Variants in AGBL4 observed in about 807,000 individuals in gnomAD.
AGBL4 encodes the protein AGBL carboxypeptidase 4, also known as cytosolic carboxypeptidase 6.
A neutral mutation model predicts 66.4 loss-of-function variants in AGBL4; 58 were observed. The ratio of observed to expected loss-of-function variants is 0.87; its 90% CI spans 0.71 to 1.09. The LOEUF (loss-of-function observed/expected upper bound fraction) is 1.09, where lower values mean the gene tolerates loss of function less well. AGBL4 is among the 50% of genes least tolerant of loss of function. The probability of loss-of-function intolerance (pLI) is 0.00; values close to 1 mark genes in which losing one functional copy is unlikely to be tolerated. For missense variants in AGBL4, 579 were observed against 631.0 expected (o/e 0.92, Z 0.88); for synonymous variants, 234 against 222.9 (o/e 1.05, Z -0.44).
At chr1:49,699,986 A>G (rs1244383897) in intron 2 of AGBL4, among the ~76,000 whole-genome samples, 1 of 151,896 alleles carries the variant, frequency 6.6e-6, no homozygotes, top group Non-Finnish European at 1.5e-5. Context: ...CATTATGTAT[A>G]TCAAAACATA....
chr1:48,964,124 A>C (rs1413273955), intron 5 of AGBL4, among the ~76,000 whole-genome samples: 3 of 152,204 alleles, frequency 2.0e-5, no homozygotes, highest in Non-Finnish European at 4.4e-5. Context: ...TGCTACAAGC[A>C]AAAGAGTGAC....
intron 3 of AGBL4, among the ~76,000 whole-genome samples, chr1:49,663,858 A>G (rs1367859707): frequency 1.3e-5 from 2 of 152,210 alleles, no homozygotes. Context: ...AACCAATAAA[A>G]TGGATATGAA....
chr1:49,053,705 A>AT (rs1167251011), intron 4 of AGBL4, among the ~76,000 whole-genome samples: 3 of 152,108 alleles, frequency 2.0e-5, no homozygotes, highest in Admixed American at 6.6e-5. Context: ...TCTTAAAAAA[A>AT]TTTTTTGTCT....
intron 6 of AGBL4, chr1:48,817,707 C>T (rs1183542501): frequency 7.7e-6 from 2 of 258,460 alleles, no homozygotes; most frequent in Non-Finnish European, 1.5e-5. Context: ...TTTGCTGCCC[C>T]CACCTGTCTG....
chr1:49,703,199 C>CA lies in AGBL4; in HGVS notation c.158-5763dup, dbSNP rs1056242415. 4.5e-3 allele frequency among the ~76,000 whole-genome samples: 597 copies of CA among 132,468 alleles called. 3 individuals are homozygous for CA. The highest frequency in any genetic ancestry group is 0.014 in the East Asian group (65 of 4,632). 86.9% of individuals were successfully genotyped at this position (132,468 alleles called of 152,430 possible). ...AGAAAAACCTAAGGAATCCACATACCAAAAAAAAAAAACTATTTGAGCTAA... is the reference window on the plus strand; with the variant it reads ...AGAAAAACCTAAGGAATCCACATACCAAAAAAAAAAAAACTATTTGAGCTAA... On this transcript the variant is annotated intron_variant, in intron 2 of 13. Coordinates refer to ENST00000371839, the MANE Select transcript of AGBL4 (RefSeq NM_032785.4).
intron 2 of AGBL4, among the ~76,000 whole-genome samples, chr1:49,706,227 C>T (rs1647215844): frequency 6.6e-6 from 1 of 152,112 alleles, no homozygotes; most frequent in Non-Finnish European, 1.5e-5. Flanking sequence ...AACTTCAGAA[C>T]ATTTTATTGG....
intron 4 of AGBL4, among the ~76,000 whole-genome samples, chr1:49,049,892 T>C (rs1249014523): frequency 2.0e-5 from 3 of 152,092 alleles, no homozygotes; most frequent in Admixed American, 6.6e-5. Flanking sequence ...GCATGGACCA[T>C]ATGCTAGGCC....
At chr1:49,284,520 C>T (rs979227980) in intron 3 of AGBL4, among the ~76,000 whole-genome samples, 21 of 151,814 alleles carry the variant, frequency 1.4e-4, no homozygotes, top group African/African-American at 4.8e-4. Flanking sequence ...TCACATATAA[C>T]AATATTAACT....
At chr1:49,576,007 C>T (rs1360785424) in intron 3 of AGBL4, among the ~76,000 whole-genome samples, 2 of 152,248 alleles carry the variant, frequency 1.3e-5, no homozygotes, top group African/African-American at 2.4e-5. Flanking sequence ...CATTTGCATA[C>T]CAAATGATGG....
intron 3 of AGBL4, among the ~76,000 whole-genome samples, chr1:49,588,721 A>G: frequency 6.6e-6 from 1 of 152,334 alleles, no homozygotes; most frequent in South Asian, 2.1e-4. Flanking sequence ...TGTGCCACAT[A>G]CTACATACTA....
chr1:49,293,452 A>G (rs561627188), intron 3 of AGBL4, among the ~76,000 whole-genome samples: 1 of 152,366 alleles, frequency 6.6e-6, no homozygotes, highest in African/African-American at 2.4e-5. Flanking sequence ...CAAGGATCCT[A>G]TAACACTATT....
At position 48,747,075 on chromosome 1, in the gene AGBL4, T is replaced by A. The variant is rs1338662151; in HGVS notation, c.635-83834A>T. On this transcript the variant is annotated intron_variant, in intron 6 of 13. Coordinates refer to ENST00000371839, the MANE Select transcript of AGBL4 (RefSeq NM_032785.4). ...ATCTCATTACAACAAATGCTTCAGA[T>A]TGCTGTTTTGCTTTTAAAAAATTTC... Among the ~76,000 whole-genome samples the A allele has an allele frequency of 2.6e-5, 4 of 152,220 alleles. No individual in the cohort carries two copies. The East Asian group carries it at 5.8e-4, about 22-fold the overall frequency.
intron 3 of AGBL4, among the ~76,000 whole-genome samples, chr1:49,383,359 A>T (rs908959802): frequency 6.6e-6 from 1 of 152,196 alleles, no homozygotes; most frequent in African/African-American, 2.4e-5. Context: ...GAGGAAAAAA[A>T]ACATAGTTAA....
chr1:48,945,689 T>A (rs1348468102), intron 5 of AGBL4, among the ~76,000 whole-genome samples: 5 of 152,176 alleles, frequency 3.3e-5, no homozygotes, highest in African/African-American at 1.2e-4. Flanking sequence ...AAAATCTGAC[T>A]CGACTCTGTA....
At chr1:48,930,545 A>T (rs1654952542) in intron 5 of AGBL4, among the ~76,000 whole-genome samples, 1 of 152,176 alleles carries the variant, frequency 6.6e-6, no homozygotes, top group Non-Finnish European at 1.5e-5. Context: ...TCATGCTCAC[A>T]GTTACTTTAG....
At chr1:49,048,084 T>G (rs1328871028) in intron 4 of AGBL4, among the ~76,000 whole-genome samples, 2 of 152,110 alleles carry the variant, frequency 1.3e-5, no homozygotes, top group African/African-American at 4.8e-5. Context: ...GAAAATGGCC[T>G]TGATGTTTCC....
intron 5 of AGBL4, among the ~76,000 whole-genome samples, chr1:49,041,529 A>G (rs1173401419): frequency 1.3e-5 from 2 of 152,098 alleles, no homozygotes; most frequent in African/African-American, 2.4e-5. Flanking sequence ...CTGTCCATCA[A>G]AGGGCCAGGA....
chr1:49,077,688 T>C (rs1644736504), intron 4 of AGBL4, among the ~76,000 whole-genome samples: 1 of 152,138 alleles, frequency 6.6e-6, no homozygotes, highest in Non-Finnish European at 1.5e-5. Context: ...CAAAAGAAGA[T>C]AAAATCTATG....
chr1:48,555,875 A>T (rs1644314338), intron 11 of AGBL4, among the ~76,000 whole-genome samples: 1 of 152,194 alleles, frequency 6.6e-6, no homozygotes, highest in Non-Finnish European at 1.5e-5. Context: ...TGACTGGACT[A>T]GGAAAAGCAT....
Sources: allele counts gnomAD v4.1 joint callset (sites outside exome capture counted in the v4.1 genomes callset), GRCh38; gene constraint gnomAD v4.1.1; transcripts MANE v1.5; gene names NCBI Gene and HGNC (gene_info 2026-07-23, HGNC 2026-07-21).